The following DAOA variants were observed in gnomAD, a reference collection of about 807,000 sequenced individuals.
DAOA encodes D-amino acid oxidase activator, also known as D-amino acid oxidase regulator.
In DAOA, 15 loss-of-function variants were observed where a neutral mutation model predicts 16.4. The ratio of observed to expected loss-of-function variants is 0.91; its 90% CI spans 0.61 to 1.41. DAOA has a LOEUF of 1.41. Ranked by LOEUF, DAOA falls within the 40% of genes most tolerant of loss-of-function variation. The pLI is 0.00. For missense variants in DAOA, 230 were observed against 176.8 expected (o/e 1.30, Z -1.71); for synonymous variants, 75 against 59.1 (o/e 1.27, Z -1.23).
chr13:105,485,961 T>C (rs886559800), intron 4 of DAOA, among the ~76,000 whole-genome samples: 1 of 152,186 alleles, frequency 6.6e-6, no homozygotes, highest in Non-Finnish European at 1.5e-5. Context: ...TTCTCTGTTG[T>C]AGCAGCCTAG....
At chr13:105,481,056 C>G (rs1877712980) in intron 4 of DAOA, among the ~76,000 whole-genome samples, 1 of 152,160 alleles carries the variant, frequency 6.6e-6, no homozygotes, top group Non-Finnish European at 1.5e-5. Flanking sequence ...AACCAGCCTC[C>G]TCTTTGAGCA....
chr13:105,483,555 A>C (rs1332202910), intron 4 of DAOA, among the ~76,000 whole-genome samples: 2 of 152,192 alleles, frequency 1.3e-5, no homozygotes, highest in Non-Finnish European at 2.9e-5. Flanking sequence ...CTTTTAAAAA[A>C]GAGGGCAGTG....
At chr13:105,486,196 T>A (rs1194486704) in intron 4 of DAOA, among the ~76,000 whole-genome samples, 1 of 152,154 alleles carries the variant, frequency 6.6e-6, no homozygotes. Context: ...ATGATCTAAA[T>A]GGACCTCAAT....
chr13:105,480,789 G>A (rs539002397), intron 4 of DAOA, among the ~76,000 whole-genome samples: 27 of 152,160 alleles, frequency 1.8e-4, no homozygotes, highest in Non-Finnish European at 3.4e-4. Flanking sequence ...CCAAGAGCAG[G>A]GAATGAAGAG....
intron 4 of DAOA, chr13:105,475,167 T>C (rs1382061426): frequency 2.6e-6 from 1 of 388,882 alleles, no homozygotes; most frequent in Non-Finnish European, 3.5e-6. Flanking sequence ...CCTTCATTCT[T>C]AAACCACACT....
At chr13:105,478,045 T>C (rs1003169604) in intron 4 of DAOA, among the ~76,000 whole-genome samples, 2 of 152,234 alleles carry the variant, frequency 1.3e-5, no homozygotes, top group Non-Finnish European at 2.9e-5. Context: ...TAATGATAGT[T>C]AATACTATGA....
chr13:105,468,569 A>T (rs934289252), intron 3 of DAOA, among the ~76,000 whole-genome samples: 2 of 152,220 alleles, frequency 1.3e-5, no homozygotes, highest in Non-Finnish European at 2.9e-5. Flanking sequence ...AACAACAATT[A>T]AAAAATTACA....
At chr13:105,482,357 A>AT (rs67240766) in intron 4 of DAOA, among the ~76,000 whole-genome samples, 217 of 142,982 alleles carry the variant, frequency 1.5e-3, no homozygotes, top group East Asian at 2.9e-3. Context: ...TTTAACTCTC[A>AT]TTTTTTTTTT....
At chr13:105,469,553 G>A (rs7985577) in intron 3 of DAOA, among the ~76,000 whole-genome samples, 5,604 of 152,244 alleles carry the variant, frequency 0.037, 133 homozygotes, top group East Asian at 0.066. Flanking sequence ...GCTTATTATA[G>A]GGGACTGAGT....
chr13:105,484,593 T>A lies in DAOA; in HGVS notation c.282-5308T>A, dbSNP rs542820690. On this transcript the variant is annotated intron_variant, in intron 4 of 5. Coordinates refer to ENST00000375936, the MANE Select transcript of DAOA (RefSeq NM_172370.5). ...TTTTGCTATTATAAGTACAATTTTT[T>A]AAAATTCAATTACATATTGTTCTTT... 1.1e-3 allele frequency among the ~76,000 whole-genome samples: 162 copies of A among 152,314 alleles called. 1 individual carries two copies. Among genetic ancestry groups the A allele is most frequent in the Non-Finnish European group, 1.6e-3 (110 of 67,994 alleles).
intron 2 of DAOA, 175 bp downstream of exon 2, chr13:105,466,507 CA>C: frequency 1.9e-6 from 2 of 1,037,422 alleles, no homozygotes; most frequent in South Asian, 3.7e-5. Flanking sequence ...TTCTGTCAGT[CA>C]AAGGAGAACC....
chr13:105,480,527 C>CATAGATAGATAG (rs59797400), intron 4 of DAOA, among the ~76,000 whole-genome samples: 550 of 146,750 alleles, frequency 3.7e-3, no homozygotes, highest in Admixed American at 6.3e-3. Flanking sequence ...TGGATAGATA[C>CATAGATAGATAG]ATAGATAGAT....
chr13:105,481,480 T>A (rs1479657110), intron 4 of DAOA, among the ~76,000 whole-genome samples: 2 of 152,128 alleles, frequency 1.3e-5, no homozygotes, highest in Non-Finnish European at 2.9e-5. Context: ...TTCATATATG[T>A]TTTTATTCAT....
intron 4 of DAOA, among the ~76,000 whole-genome samples, chr13:105,480,551 G>C (rs1190746184): frequency 6.8e-6 from 1 of 146,698 alleles, no homozygotes; most frequent in Non-Finnish European, 1.5e-5. Flanking sequence ...TAGATAGATA[G>C]ATAGATAGAT....
chr13:105,467,009 T>C (rs369830719), intron 2 of DAOA, 44 bp from the exon 3 acceptor site: 30 of 1,596,962 alleles, frequency 1.9e-5, no homozygotes, highest in Non-Finnish European at 2.5e-5. Context: ...TTCTGCAGGG[T>C]ATAAAGGAAT....
chr13:105,488,796 T>C (rs1878311818), intron 4 of DAOA, among the ~76,000 whole-genome samples: 1 of 152,208 alleles, frequency 6.6e-6, no homozygotes. Flanking sequence ...GAAAATGTCC[T>C]CAATATGGAG....
intron 3 of DAOA, among the ~76,000 whole-genome samples, chr13:105,471,770 A>G (rs548977399): frequency 0.04 from 6,100 of 152,210 alleles, 172 homozygotes; most frequent in Non-Finnish European, 0.062. Context: ...ACTCCTTTGC[A>G]TTTTTCTGGA....
intron 3 of DAOA, among the ~76,000 whole-genome samples, chr13:105,468,555 C>T (rs1209640596): frequency 2.6e-5 from 4 of 152,106 alleles, no homozygotes; most frequent in Admixed American, 1.3e-4. Context: ...AATAGATTCT[C>T]TTTAACAACA....
At chr13:105,488,547 C>T (rs1727317827) in intron 4 of DAOA, among the ~76,000 whole-genome samples, 2 of 152,154 alleles carry the variant, frequency 1.3e-5, no homozygotes, top group African/African-American at 4.8e-5. Context: ...ATCTGTTTTG[C>T]TTTACAATTA....
Sources: allele counts gnomAD v4.1 joint callset (sites outside exome capture counted in the v4.1 genomes callset), GRCh38; gene constraint gnomAD v4.1.1; transcripts MANE v1.5; gene names NCBI Gene and HGNC (gene_info 2026-07-23, HGNC 2026-07-21).